MALRD1: variants seen among roughly 807,000 people sequenced by gnomAD.
The protein encoded by MALRD1 is MAM and LDL receptor class A domain containing 1, also known as MAM and LDL-receptor class A domain-containing protein 1.
In MALRD1, 247 loss-of-function variants were observed where a neutral mutation model predicts 242.1. That is an observed-to-expected ratio of 1.02 (90% CI 0.92 to 1.13). MALRD1 has a LOEUF of 1.13. MALRD1 is among the 50% of genes most tolerant of loss of function. The pLI is 0.00. For missense variants in MALRD1, 2,989 were observed against 2,533.1 expected, an observed-to-expected ratio of 1.18 and a Z score of -3.86; for synonymous variants, 995 against 866.6, an observed-to-expected ratio of 1.15 and a Z score of -2.60.
intron 26 of MALRD1, among the ~76,000 whole-genome samples, chr10:19,381,043 G>A (rs11009670): frequency 0.62 from 81,063 of 130,366 alleles, 25,900 homozygotes; most frequent in African/African-American, 0.73. Flanking sequence ...ATATCTCCCA[G>A]TGCTATCCCT....
upstream of MALRD1, among the ~76,000 whole-genome samples, chr10:19,048,615 T>G (rs1246992219): frequency 6.6e-6 from 1 of 152,220 alleles, no homozygotes; most frequent in African/African-American, 2.4e-5. Context: ...CTGGCCTTTA[T>G]TTTTTACAAA....
At chr10:19,611,636 T>C (rs78918937) in intron 35 of MALRD1, among the ~76,000 whole-genome samples, 51 of 152,130 alleles carry the variant, frequency 3.4e-4, no homozygotes, top group Middle Eastern at 3.4e-3. Flanking sequence ...AGTTCCCATA[T>C]TGGGAATTAT....
intron 32 of MALRD1, among the ~76,000 whole-genome samples, chr10:19,538,883 CA>C (rs750834739): frequency 2.6e-4 from 39 of 152,014 alleles, no homozygotes; most frequent in Middle Eastern, 3.4e-3. Flanking sequence ...TATTTCAGAA[CA>C]AGTAGCCTAT....
chr10:19,151,534 T>C (rs1011619282), intron 11 of MALRD1, among the ~76,000 whole-genome samples: 1 of 152,154 alleles, frequency 6.6e-6, no homozygotes, highest in African/African-American at 2.4e-5. Flanking sequence ...TTTTGTTGTT[T>C]TATGTACTGG....
chr10:19,168,411 CAG>C (rs1834789852), intron 13 of MALRD1, among the ~76,000 whole-genome samples: 1 of 152,166 alleles, frequency 6.6e-6, no homozygotes, highest in South Asian at 2.1e-4. Flanking sequence ...GAAGATCGTT[CAG>C]AGTTTGTCAT....
intron 33 of MALRD1, among the ~76,000 whole-genome samples, chr10:19,592,757 A>ACGCGCGCGCG (rs1295778942): frequency 6.7e-5 from 8 of 119,870 alleles, no homozygotes; most frequent in African/African-American, 2.1e-4. Flanking sequence ...ACACACACAC[A>ACGCGCGCGCG]CACACGCACG....
In MALRD1 at chr10:19,317,655, A is replaced by C. The variant is rs371340277; in HGVS notation, c.3420-6294A>C. On this transcript the variant is annotated intron_variant, in intron 21 of 39. Transcript: ENST00000454679. ...CACAGATTGATGGGCCTTACTGAAA[A>C]ATATCTTGATTTGCTCAAGAATGGG... 7.9e-4 allele frequency among the ~76,000 whole-genome samples: 120 copies of C among 152,096 alleles called. 1 individual carries two copies. The highest frequency in any genetic ancestry group is 2.7e-3 in the African/African-American group (114 of 41,536).
intron 36 of MALRD1, among the ~76,000 whole-genome samples, chr10:19,656,529 C>G (rs894532269): frequency 6.6e-6 from 1 of 152,082 alleles, no homozygotes; most frequent in African/African-American, 2.4e-5. Context: ...CTCAGTATTC[C>G]TTTTGCTACT....
chr10:19,152,826 T>C (rs1020951159), intron 11 of MALRD1, among the ~76,000 whole-genome samples: 1 of 152,116 alleles, frequency 6.6e-6, no homozygotes, highest in Non-Finnish European at 1.5e-5. Context: ...TTTCCTTGAC[T>C]TCTACACTCA....
chr10:19,632,268 G>A (rs1839936199), intron 36 of MALRD1, among the ~76,000 whole-genome samples: 1 of 152,188 alleles, frequency 6.6e-6, no homozygotes. Context: ...TCGTGAAGAA[G>A]TTGGAGCAAG....
chr10:19,491,355 G>C, intron 29 of MALRD1, 162 bp from the exon 30 acceptor site: 1 of 829,078 alleles, frequency 1.2e-6, no homozygotes, highest in African/African-American at 1.7e-5. Context: ...AACCATTGAA[G>C]GTGGGACTGA....
intron 28 of MALRD1, among the ~76,000 whole-genome samples, chr10:19,399,375 T>C (rs888593696): frequency 6.6e-6 from 1 of 152,220 alleles, no homozygotes; most frequent in Non-Finnish European, 1.5e-5. Flanking sequence ...TTTCAGCACA[T>C]GATAGTAACT....
At chr10:19,268,304 A>T (rs540918030) in intron 19 of MALRD1, among the ~76,000 whole-genome samples, 5 of 152,288 alleles carry the variant, frequency 3.3e-5, no homozygotes, top group African/African-American at 1.2e-4. Flanking sequence ...TTGTTATAAT[A>T]ATAGTATCCA....
At position 19,187,745 on chromosome 10, in the gene MALRD1, G is replaced by A. The variant is rs11008858; in HGVS notation, c.1951+12417G>A. The stretch of plus-strand genomic sequence containing the variant: ...AAATACCACATGTTCTCACTCGTAA[G>A]TGGGAACTAAAACATTGAGTTCACA... On this transcript the variant is annotated intron_variant, in intron 14 of 39. Coordinates refer to ENST00000454679, the MANE Select transcript of MALRD1 (RefSeq NM_001142308.3). Among the ~76,000 whole-genome samples the A allele has an allele frequency of 8.1e-3, 1,231 of 152,238 alleles. 19 individuals are homozygous for A. The highest frequency in any genetic ancestry group is 0.028 in the African/African-American group (1,168 of 41,550).
intron 28 of MALRD1, among the ~76,000 whole-genome samples, chr10:19,393,208 C>G (rs1846411155): frequency 6.6e-6 from 1 of 151,930 alleles, no homozygotes; most frequent in Middle Eastern, 3.2e-3. Flanking sequence ...AAAATGGCAT[C>G]CTTATTTTTG....
At chr10:19,359,870 C>G in intron 26 of MALRD1, among the ~76,000 whole-genome samples, 1 of 151,892 alleles carries the variant, frequency 6.6e-6, no homozygotes, top group Non-Finnish European at 1.5e-5. Context: ...AGTGAAGACC[C>G]AACAAACCAG....
At chr10:19,265,476 G>C (rs1839934143) in intron 19 of MALRD1, among the ~76,000 whole-genome samples, 1 of 151,634 alleles carries the variant, frequency 6.6e-6, no homozygotes, top group Non-Finnish European at 1.5e-5. Context: ...TTTGTTCTTT[G>C]ACCTACTGGT....
At chr10:19,660,639 A>AT (rs1249531628) in intron 36 of MALRD1, among the ~76,000 whole-genome samples, 1 of 152,126 alleles carries the variant, frequency 6.6e-6, no homozygotes, top group Non-Finnish European at 1.5e-5. Flanking sequence ...GTAAAGAGCG[A>AT]TTGTCATCAC....
At position 19,352,243 on chromosome 10, in the gene MALRD1, T is replaced by C; in HGVS notation, c.4387T>C (p.Cys1463Arg). Residue 1463 changes from cysteine (C) to arginine (R), a missense_variant, in exon 26 of 40, where the codon TGT (cysteine) becomes CGT (arginine). Coordinates refer to ENST00000454679, the MANE Select transcript of MALRD1 (RefSeq NM_001142308.3). ...ALDDIVLTEN[C>R]LSLHDSVQEE... Reference sequence around the variant, plus strand: ...TGATGACATTGTGCTTACAGAAAATTGTCTATCACTCCATGATTCCGTGCA... The same window carrying C: ...TGATGACATTGTGCTTACAGAAAATCGTCTATCACTCCATGATTCCGTGCA... The C allele has an allele frequency of 6.5e-7, 1 of 1,550,334 alleles. No individual in the cohort carries two copies. The highest frequency in any genetic ancestry group is 1.2e-5 in the South Asian group (1 of 84,054).
Sources: allele counts gnomAD v4.1 joint callset (sites outside exome capture counted in the v4.1 genomes callset), GRCh38; gene constraint gnomAD v4.1.1; transcripts MANE v1.5; gene names NCBI Gene and HGNC (gene_info 2026-07-23, HGNC 2026-07-21).